TMEM163: variants seen among roughly 807,000 people sequenced by gnomAD.
The protein encoded by TMEM163 is transmembrane protein 163.
Under a neutral mutation model 29.3 loss-of-function variants are expected in TMEM163, and 17 were observed. The ratio of observed to expected loss-of-function variants is 0.58; its 90% CI spans 0.40 to 0.87. The LOEUF is 0.87. Ranked by LOEUF, TMEM163 falls within the 40% of genes least tolerant of loss-of-function variation. The probability of loss-of-function intolerance (pLI) is 0.00; values close to 1 mark genes in which losing one functional copy is unlikely to be tolerated. For synonymous variants in TMEM163, 157 were observed against 160.6 expected (o/e 0.98, Z 0.17); for missense variants, 303 against 381.5 (o/e 0.79, Z 1.71).
At chr2:134,573,167 T>C (rs1474325167) in intron 2 of TMEM163, among the ~76,000 whole-genome samples, 2 of 152,150 alleles carry the variant, frequency 1.3e-5, no homozygotes, top group Non-Finnish European at 2.9e-5. Context: ...ATTATCACAC[T>C]GCACAAAGGA....
intron 5 of TMEM163, chr2:134,468,084 G>A (rs1244097791): frequency 6.6e-6 from 1 of 152,244 alleles, no homozygotes; most frequent in Non-Finnish European, 1.5e-5. Context: ...CTCAGCCTAA[G>A]TCCAGGAGAC....
intron 4 of TMEM163, among the ~76,000 whole-genome samples, chr2:134,538,974 C>T (rs79431586): frequency 0.023 from 3,467 of 152,156 alleles, 166 homozygotes; most frequent in African/African-American, 0.078. Context: ...AATGGGGTGA[C>T]AGTATGCTAT....
intron 2 of TMEM163, among the ~76,000 whole-genome samples, chr2:134,605,180 CAAAAA>C (rs754781954): frequency 9.5e-6 from 1 of 105,204 alleles, no homozygotes. Flanking sequence ...TGGTCTCCAG[CAAAAA>C]AAAAAAAAAA....
intron 2 of TMEM163, among the ~76,000 whole-genome samples, chr2:134,678,817 A>C (rs908522310): frequency 3.3e-5 from 5 of 152,240 alleles, no homozygotes; most frequent in African/African-American, 4.8e-5. Flanking sequence ...TTGGTTTTTC[A>C]TTGCTTTAAA....
intron 2 of TMEM163, among the ~76,000 whole-genome samples, chr2:134,685,871 A>G (rs1684340491): frequency 6.6e-6 from 1 of 152,246 alleles, no homozygotes; most frequent in Non-Finnish European, 1.5e-5. Flanking sequence ...GTACTTTTTC[A>G]TTACAAGAAA....
At chr2:134,488,615 A>G (rs571669171) in intron 5 of TMEM163, among the ~76,000 whole-genome samples, 1 of 152,280 alleles carries the variant, frequency 6.6e-6, no homozygotes, top group East Asian at 1.9e-4. Context: ...CAGATGGCCT[A>G]TTGTGGGACT....
chr2:134,710,424 T>C (rs1379067961), intron 2 of TMEM163, among the ~76,000 whole-genome samples: 2 of 151,964 alleles, frequency 1.3e-5, no homozygotes, highest in Non-Finnish European at 2.9e-5. Flanking sequence ...ATTAAATAAA[T>C]AGAAAATGGC....
rs1679369235 is a variant in TMEM163, at chr2:134,488,790, A to G, written c.555+14111T>C. On this transcript the variant is annotated intron_variant, in intron 5 of 7. Transcript: ENST00000281924. ...ACTCCTAAAAACCTGTGGGAAAAAG[A>G]TAACAATAGATAAATGGGCAAAACA... 3.3e-5 allele frequency among the ~76,000 whole-genome samples: 5 copies of G among 152,362 alleles called. No individual in the cohort carries two copies. The South Asian group carries it at 1.0e-3, about 32-fold the overall frequency.
intron 2 of TMEM163, among the ~76,000 whole-genome samples, chr2:134,656,290 G>T (rs61378840): frequency 0.13 from 18,969 of 146,764 alleles, 1,554 homozygotes; most frequent in African/African-American, 0.27. Flanking sequence ...CGCAATATTC[G>T]GGTGGGAGTG....
chr2:134,585,609 G>C (rs1307981509), intron 2 of TMEM163, among the ~76,000 whole-genome samples: 3 of 152,108 alleles, frequency 2.0e-5, no homozygotes, highest in Admixed American at 6.5e-5. Context: ...GGGCGCGGTG[G>C]CGGGCACCTG....
chr2:134,480,055 C>T (rs537050267), intron 5 of TMEM163, among the ~76,000 whole-genome samples: 3 of 152,316 alleles, frequency 2.0e-5, no homozygotes, highest in South Asian at 2.1e-4. Flanking sequence ...CTGCCCCATA[C>T]GCAGTCTTGC....
intron 4 of TMEM163, among the ~76,000 whole-genome samples, chr2:134,505,290 A>G (rs1316619001): frequency 7.4e-6 from 1 of 135,922 alleles, no homozygotes; most frequent in East Asian, 2.1e-4. Context: ...CTCCAGTTCA[A>G]TTTTATCAGA....
chr2:134,684,861 T>C (rs1035435992), intron 2 of TMEM163, among the ~76,000 whole-genome samples: 1 of 148,870 alleles, frequency 6.7e-6, no homozygotes, highest in African/African-American at 2.5e-5. Flanking sequence ...AGGCGGAGGT[T>C]GCAGTGAGCC....
intron 5 of TMEM163, among the ~76,000 whole-genome samples, chr2:134,482,472 G>A (rs1034758490): frequency 1.3e-5 from 2 of 152,166 alleles, no homozygotes; most frequent in African/African-American, 4.8e-5. Flanking sequence ...CCTGCAAAAA[G>A]GCGTCCTCTG....
At chr2:134,473,839 C>G (rs2106477170) in intron 5 of TMEM163, among the ~76,000 whole-genome samples, 1 of 152,234 alleles carries the variant, frequency 6.6e-6, no homozygotes, top group East Asian at 1.9e-4. Flanking sequence ...CCTGAAGAAC[C>G]CTGTATCAAC....
At chr2:134,507,294 C>T (rs1679846027) in intron 4 of TMEM163, among the ~76,000 whole-genome samples, 1 of 151,960 alleles carries the variant, frequency 6.6e-6, no homozygotes, top group East Asian at 1.9e-4. Context: ...TGAGATCACA[C>T]CACTACACTC....
chr2:134,527,239 GTACATGCTTACATACGTGTATGCA>G (rs1420873904), intron 4 of TMEM163, among the ~76,000 whole-genome samples: 17 of 151,996 alleles, frequency 1.1e-4, no homozygotes, highest in Admixed American at 1.1e-3. Flanking sequence ...TCTATACAGT[GTACATGCTTACATACGTGTATGCA>G]TCTATACATA....
At chr2:134,591,877 GCAGT>G (rs951067617) in intron 2 of TMEM163, among the ~76,000 whole-genome samples, 1 of 150,342 alleles carries the variant, frequency 6.7e-6, no homozygotes, top group Non-Finnish European at 1.5e-5. Flanking sequence ...TGCACATGAG[GCAGT>G]CATTCAGACA....
chr2:134,617,382 G>A (rs1263749315), intron 2 of TMEM163, among the ~76,000 whole-genome samples: 2 of 151,962 alleles, frequency 1.3e-5, no homozygotes, highest in Non-Finnish European at 2.9e-5. Flanking sequence ...AGGCCGAGGC[G>A]GGCAGATTAC....
Sources: allele counts gnomAD v4.1 joint callset (sites outside exome capture counted in the v4.1 genomes callset), GRCh38; gene constraint gnomAD v4.1.1; transcripts MANE v1.5; gene names NCBI Gene and HGNC (gene_info 2026-07-23, HGNC 2026-07-21).